The following CASD1 variants were observed in gnomAD, a reference collection of about 807,000 sequenced individuals.
CASD1 encodes CAS1 domain sialic acid O acetyltransferase 1, also known as N-acetylneuraminate (7)9-O-acetyltransferase.
Under a neutral mutation model 100.0 loss-of-function variants are expected in CASD1, and 41 were observed. That is an observed-to-expected ratio of 0.41 (90% CI 0.32 to 0.53). The LOEUF (loss-of-function observed/expected upper bound fraction) is 0.53. Ranked by LOEUF, CASD1 falls within the 20% of genes least tolerant of loss-of-function variation. The probability of loss-of-function intolerance (pLI) is 0.25; values close to 1 mark genes in which losing one functional copy is unlikely to be tolerated. For missense variants in CASD1, 774 were observed against 948.7 expected, an observed-to-expected ratio of 0.82 and a Z score of 2.42; for synonymous variants, 321 against 315.6, an observed-to-expected ratio of 1.02 and a Z score of -0.18.
the CASD1 span, among the ~76,000 whole-genome samples, chr7:94,576,757 GA>G: frequency 6.6e-6 from 1 of 152,208 alleles, no homozygotes; most frequent in Non-Finnish European, 1.5e-5. Context: ...GGGTTACTTG[GA>G]AGTTTGAACT....
In CASD1 at chr7:94,537,675, T is replaced by C. The variant is rs752454709; in HGVS notation, c.1047T>C (p.Ser349=). The change falls in exon 9 of 18, where the codon AGT becomes AGC. Residue 349 remains serine, a synonymous_variant. Coordinates refer to ENST00000297273, the MANE Select transcript of CASD1 (RefSeq NM_022900.5). ...ATAAGCCGTGTACTGATTTGGAAAG[T>C]GGAGAGGAAAAGAAAAATATTATCA... is the stretch of plus-strand genomic sequence containing the variant. The part of the protein sequence containing the change: ...RKNKPCTDLE[S]GEEKKNIINT... The C allele has an allele frequency of 1.2e-6, 2 of 1,613,714 alleles. No homozygotes were observed. Among genetic ancestry groups the C allele is most frequent in the Non-Finnish European group, 1.7e-6 (2 of 1,179,748 alleles).
chr7:94,576,111 A>G, the CASD1 span, among the ~76,000 whole-genome samples: 2 of 152,116 alleles, frequency 1.3e-5, no homozygotes, highest in African/African-American at 2.4e-5. Context: ...GATTCCCATT[A>G]TGCATATGAT....
chr7:94,633,352 T>C, the CASD1 span, among the ~76,000 whole-genome samples: 1 of 152,046 alleles, frequency 6.6e-6, no homozygotes, highest in African/African-American at 2.4e-5. Flanking sequence ...TGAAGACAGG[T>C]AGTCATAAGG....
chr7:94,549,883 A>G, intron 14 of CASD1, among the ~76,000 whole-genome samples: 1 of 152,010 alleles, frequency 6.6e-6, no homozygotes, highest in Non-Finnish European at 1.5e-5. Context: ...CCTTTGTCTG[A>G]CTTATAATTT....
chr7:94,525,532 A>G (rs1794520088), intron 3 of CASD1, among the ~76,000 whole-genome samples: 1 of 152,182 alleles, frequency 6.6e-6, no homozygotes, highest in Admixed American at 6.5e-5. Context: ...ATCAAACATT[A>G]TATTAAAAAA....
chr7:94,618,755 T>C, the CASD1 span: 1 of 1,611,374 alleles, frequency 6.2e-7, no homozygotes, highest in Non-Finnish European at 8.5e-7. Context: ...AAGATCTGCT[T>C]ACCCCTCCTT....
In CASD1 at chr7:94,555,472, T is replaced by G. The variant is rs1796156605; in HGVS notation, c.2128-20T>G. On this transcript the variant is annotated intron_variant, in intron 17 of 17. Coordinates refer to ENST00000297273, the MANE Select transcript of CASD1 (RefSeq NM_022900.5). ...CATGGACCCTCTATAAATATCTGAC[T>G]TAAATATTTTTTCTCCTAGCTATTT... is the stretch of plus-strand genomic sequence containing the variant. 6.2e-7 allele frequency: 1 copy of G among 1,606,810 alleles called. No individual in the cohort carries two copies. The highest frequency in any genetic ancestry group is 8.5e-7 in the Non-Finnish European group (1 of 1,175,784).
the CASD1 span, chr7:94,629,697 T>A: frequency 1.2e-6 from 2 of 1,610,246 alleles, no homozygotes; most frequent in African/African-American, 2.7e-5. Flanking sequence ...TAACTGCTTT[T>A]TTTTCCTCAC....
chr7:94,588,492 C>G, the CASD1 span: 31 of 1,405,408 alleles, frequency 2.2e-5, no homozygotes, highest in Non-Finnish European at 2.4e-5. Context: ...ATCATTTACC[C>G]TGTGTTTATC....
the CASD1 span, among the ~76,000 whole-genome samples, chr7:94,593,181 A>T: frequency 6.6e-6 from 1 of 152,148 alleles, no homozygotes; most frequent in Non-Finnish European, 1.5e-5. Flanking sequence ...CAATTAGAAG[A>T]CTTAATTCTA....
chr7:94,559,955 C>T (rs1362338618), downstream of CASD1, among the ~76,000 whole-genome samples: 2 of 152,216 alleles, frequency 1.3e-5, no homozygotes, highest in African/African-American at 4.8e-5. Context: ...ATATTAAAAG[C>T]TTATACTATC....
At chr7:94,613,485 A>T in the CASD1 span, among the ~76,000 whole-genome samples, 1 of 152,146 alleles carries the variant, frequency 6.6e-6, no homozygotes, top group Admixed American at 6.6e-5. Context: ...GCTCTCAATG[A>T]ATGCTAACAA....
the CASD1 span, among the ~76,000 whole-genome samples, chr7:94,615,237 T>C: frequency 3.3e-5 from 5 of 152,072 alleles, no homozygotes; most frequent in Admixed American, 6.5e-5. Flanking sequence ...CAGGTGCCTG[T>C]AATCTCAGCT....
At chr7:94,530,128 G>A (rs1214374853) in intron 5 of CASD1, among the ~76,000 whole-genome samples, 1 of 152,134 alleles carries the variant, frequency 6.6e-6, no homozygotes, top group Non-Finnish European at 1.5e-5. Flanking sequence ...AATGTAAAGG[G>A]CACAGCAAAC....
the CASD1 span, among the ~76,000 whole-genome samples, chr7:94,579,287 T>C: frequency 2.6e-5 from 4 of 151,862 alleles, no homozygotes; most frequent in Admixed American, 1.3e-4. Context: ...CTTTCTTCAT[T>C]GTCCTAACAT....
At chr7:94,604,855 ATAT>A in the CASD1 span, among the ~76,000 whole-genome samples, 16 of 94,094 alleles carry the variant, frequency 1.7e-4, no homozygotes, top group African/African-American at 3.7e-4. Context: ...ATATATATAT[ATAT>A]AATAGTTGTT....
At chr7:94,580,099 A>G in the CASD1 span, among the ~76,000 whole-genome samples, 1 of 152,188 alleles carries the variant, frequency 6.6e-6, no homozygotes, top group Non-Finnish European at 1.5e-5. Context: ...TTCTCCAATT[A>G]TATCTACAAC....
intron 5 of CASD1, among the ~76,000 whole-genome samples, chr7:94,530,751 A>G (rs1221028211): frequency 6.6e-6 from 1 of 152,134 alleles, no homozygotes; most frequent in Non-Finnish European, 1.5e-5. Context: ...TGAATGGAAG[A>G]AATTGAATAG....
Position 94,550,513 on chromosome 7 carries a change from T to G in CASD1, c.1816-825T>G, listed in dbSNP as rs988270712. The stretch of plus-strand genomic sequence containing the variant: ...GCTGCTGTAATAGAGTACCATAGAT[T>G]GGGTGGTTTATAAACAACAAAAATT... On this transcript the variant is annotated intron_variant, in intron 14 of 17. Transcript: ENST00000297273. Among the ~76,000 whole-genome samples the G allele has an allele frequency of 5.3e-5, 8 of 152,250 alleles. No homozygotes were observed. In the South Asian group the frequency reaches 8.3e-4, roughly 16 times the overall value.
Sources: allele counts gnomAD v4.1 joint callset (sites outside exome capture counted in the v4.1 genomes callset), GRCh38; gene constraint gnomAD v4.1.1; transcripts MANE v1.5; gene names NCBI Gene and HGNC (gene_info 2026-07-23, HGNC 2026-07-21).